Variants in CFAP92 observed in about 807,000 individuals in gnomAD.
The protein encoded by CFAP92 is cilia and flagella associated protein 92 (putative), also known as uncharacterized protein CFAP92.
CFAP92 carries 86 observed loss-of-function variants against 106.3 expected under a neutral mutation model. The observed-to-expected ratio is 0.81, with a 90% confidence interval of 0.68 to 0.97. CFAP92 has a LOEUF of 0.97. Ranked by LOEUF, CFAP92 falls within the 50% of genes least tolerant of loss-of-function variation. CFAP92 has a pLI of 0.00. For missense variants in CFAP92, 1,204 were observed against 1,283.8 expected (o/e 0.94, Z 0.95); for synonymous variants, 477 against 506.4 (o/e 0.94, Z 0.78).
chr3:128,994,075 C>G lies in CFAP92; in HGVS notation c.-128G>C, dbSNP rs1007481897. The G allele has an allele frequency of 1.0e-6, 1 of 985,922 alleles. No individual in the cohort carries two copies. The highest frequency in any genetic ancestry group is 1.2e-6 in the Non-Finnish European group (1 of 830,086). The allele number at this position is 985,922 out of a possible 1,614,324, so 61.1% of individuals were successfully genotyped here. On this transcript the variant is annotated 5_prime_UTR_variant, in exon 1 of 16. Transcript: ENST00000645291. The stretch of plus-strand genomic sequence containing the variant: ...CCACCTGGGCGAAGAGACTCCAAGA[C>G]TGAGAGGAGCGTCCGCCGGTGCAGG...
chr3:128,937,346 T>C (rs1054101465), intron 10 of CFAP92, among the ~76,000 whole-genome samples: 10 of 148,190 alleles, frequency 6.7e-5, no homozygotes, highest in East Asian at 5.9e-4. Flanking sequence ...CGCGTAGTGG[T>C]TTACGCCTGT....
chr3:129,012,245 C>G, the CFAP92 span, among the ~76,000 whole-genome samples: 22 of 152,216 alleles, frequency 1.4e-4, no homozygotes, highest in Non-Finnish European at 2.8e-4. Context: ...TAGTACCTAC[C>G]GCACAGGGTA....
chr3:128,910,673 G>A (rs535800944), intron 15 of CFAP92: 1 of 1,573,680 alleles, frequency 6.4e-7, no homozygotes. Context: ...TGATAGGCTG[G>A]GTTTTTGAAG....
At chr3:128,973,873 G>A (rs796614866) in intron 7 of CFAP92, among the ~76,000 whole-genome samples, 7 of 152,276 alleles carry the variant, frequency 4.6e-5, no homozygotes, top group African/African-American at 1.2e-4. Flanking sequence ...CATGCAGGAC[G>A]GTCCACCCAT....
intron 15 of CFAP92, among the ~76,000 whole-genome samples, chr3:128,911,035 A>G (rs183363486): frequency 1.5e-4 from 23 of 152,086 alleles, no homozygotes; most frequent in Non-Finnish European, 1.8e-4. Flanking sequence ...GTATGTATAT[A>G]TGTGTGTGTG....
chr3:128,984,717 G>A (rs555005118), intron 4 of CFAP92, among the ~76,000 whole-genome samples: 1 of 152,148 alleles, frequency 6.6e-6, no homozygotes, highest in South Asian at 2.1e-4. Flanking sequence ...TATCCTATTA[G>A]CCCTTCCCTC....
At chr3:128,966,285 T>C (rs1298300500) in intron 8 of CFAP92, among the ~76,000 whole-genome samples, 3 of 152,240 alleles carry the variant, frequency 2.0e-5, no homozygotes, top group Non-Finnish European at 4.4e-5. Flanking sequence ...CTGGCCATCG[T>C]TGCAGGAAGG....
At chr3:129,006,210 G>A (rs962826252), upstream of CFAP92, among the ~76,000 whole-genome samples, 1 of 152,248 alleles carries the variant, frequency 6.6e-6, no homozygotes, top group Non-Finnish European at 1.5e-5. Context: ...ACAGTTACAC[G>A]ATGGCTGCTG....
At position 128,932,750 on chromosome 3, in the gene CFAP92, G is replaced by T; in HGVS notation, c.2701C>A (p.Arg901=). Residue 901 remains arginine (R), a synonymous_variant, in exon 12 of 16, where the codon CGG becomes AGG. Transcript: ENST00000645291. ...TTGTTCTTCATAAGCATGGCACTCC[G>T]CCACTGCAGGTACTTCTCCTGGTGG... is the stretch of plus-strand genomic sequence containing the variant. The part of the protein sequence containing the change: ...HAHQEKYLQW[R]SAMLMKNKDK... The T allele has an allele frequency of 1.3e-6, 2 of 1,535,680 alleles. No homozygotes were observed. The highest frequency in any genetic ancestry group is 1.7e-6 in the Non-Finnish European group (2 of 1,146,830).
At chr3:129,022,052 C>G in the CFAP92 span, among the ~76,000 whole-genome samples, 1 of 152,178 alleles carries the variant, frequency 6.6e-6, no homozygotes, top group African/African-American at 2.4e-5. Flanking sequence ...CTCACAGCAC[C>G]CAGAACTCAC....
At chr3:128,936,111 G>A (rs1938995316) in intron 10 of CFAP92, among the ~76,000 whole-genome samples, 1 of 151,832 alleles carries the variant, frequency 6.6e-6, no homozygotes, top group African/African-American at 2.4e-5. Flanking sequence ...GGCACTCGCG[G>A]TCTGCACTGT....
Position 128,994,068 on chromosome 3 carries a change from T to TC in CFAP92, c.-122dup. 1.0e-6 allele frequency: 1 copy of TC among 985,962 alleles called. No individual in the cohort carries two copies. Among genetic ancestry groups the TC allele is most frequent in the Non-Finnish European group, 1.2e-6 (1 of 830,156 alleles). The allele number at this position is 985,962 out of a possible 1,614,324, so 61.1% of individuals were successfully genotyped here. On this transcript the variant is annotated 5_prime_UTR_variant, in exon 1 of 16. Coordinates refer to ENST00000645291, the MANE Select transcript of CFAP92 (RefSeq NM_001394090.1). ...TCCACAGCCACCTGGGCGAAGAGAC[T>TC]CCAAGACTGAGAGGAGCGTCCGCCG...
chr3:129,011,291 C>T, the CFAP92 span, among the ~76,000 whole-genome samples: 1 of 152,184 alleles, frequency 6.6e-6, no homozygotes, highest in Non-Finnish European at 1.5e-5. Context: ...TGGCTCACGC[C>T]TGTAATCCCA....
At chr3:128,981,308 T>C (rs912097372) in intron 4 of CFAP92, among the ~76,000 whole-genome samples, 3 of 151,646 alleles carry the variant, frequency 2.0e-5, no homozygotes, top group African/African-American at 4.8e-5. Context: ...AGTGCTGAGA[T>C]TACAGGAGTG....
intron 4 of CFAP92, among the ~76,000 whole-genome samples, chr3:128,982,502 T>C (rs1486620191): frequency 6.6e-6 from 1 of 152,212 alleles, no homozygotes; most frequent in Non-Finnish European, 1.5e-5. Context: ...TTCACTTTCT[T>C]ATCATTCCTG....
At chr3:129,012,478 C>A in the CFAP92 span, among the ~76,000 whole-genome samples, 10 of 152,164 alleles carry the variant, frequency 6.6e-5, no homozygotes, top group Non-Finnish European at 1.3e-4. Context: ...GGGAACATGG[C>A]TGCAGGGACC....
intron 9 of CFAP92, among the ~76,000 whole-genome samples, chr3:128,956,212 A>T (rs1281173975): frequency 1.1e-4 from 10 of 91,446 alleles, no homozygotes; most frequent in Non-Finnish European, 1.8e-4. Context: ...AAAAATAAAA[A>T]AATAAAAAAA....
chr3:129,016,527 A>G, the CFAP92 span, among the ~76,000 whole-genome samples: 1 of 148,590 alleles, frequency 6.7e-6, no homozygotes, highest in Non-Finnish European at 1.5e-5. Context: ...GGGGAAGCCC[A>G]TAAGCCGTGC....
chr3:128,960,336 ACC>A (rs1480791159), intron 9 of CFAP92, among the ~76,000 whole-genome samples: 12 of 152,194 alleles, frequency 7.9e-5, no homozygotes, highest in Admixed American at 3.3e-4. Flanking sequence ...AGAAAGATCC[ACC>A]TCTATGACCT....
Sources: gnomAD v4.1 joint callset for allele counts (sites outside exome capture counted in the v4.1 genomes callset) on GRCh38, gnomAD v4.1.1 for gene constraint, MANE v1.5 for transcripts, NCBI Gene and HGNC (gene_info 2026-07-23, HGNC 2026-07-21) for gene names.